GABBR1: variants seen among roughly 807,000 people sequenced by gnomAD.
GABBR1 encodes the protein GABA-B receptor, R1 subunit.
A neutral mutation model predicts 117.7 loss-of-function variants in GABBR1; 35 were observed. The observed-to-expected ratio is 0.30, with a 90% CI of 0.23 to 0.39. The LOEUF is 0.39. Ranked by LOEUF, GABBR1 falls within the 10% of genes least tolerant of loss-of-function variation. GABBR1 has a pLI of 1.00. For synonymous variants in GABBR1, 442 were observed against 486.6 expected, an observed-to-expected ratio of 0.91 and a Z score of 1.21; for missense variants, 709 against 1,241.8, an observed-to-expected ratio of 0.57 and a Z score of 6.45.
chr6:29,628,778 G>A (rs940523854), intron 5 of GABBR1, among the ~76,000 whole-genome samples: 1 of 152,082 alleles, frequency 6.6e-6, no homozygotes, highest in Non-Finnish European at 1.5e-5. Flanking sequence ...TGGGAGCTCA[G>A]GGTCTCCCAG....
rs6938734 is a variant in GABBR1, at chr6:29,623,282, C to A, written c.963+23G>T. On this transcript the variant is annotated intron_variant, in intron 8 of 22. Coordinates refer to ENST00000377034, the MANE Select transcript of GABBR1 (RefSeq NM_001470.4). This position sits in a 1 kb window ranked among gnomAD's most constrained non-coding sequence, Gnocchi z 6.2. The stretch of plus-strand genomic sequence containing the variant: ...TGGAATTTGAGCTTATGTCCCTTTA[C>A]CCCTTGCCCAACCCCTCCTCACCGA... 3.7e-6 allele frequency: 6 copies of A among 1,602,920 alleles called. No individual in the cohort carries two copies. The highest frequency in any genetic ancestry group is 5.1e-6 in the Non-Finnish European group (6 of 1,171,510).
intron 5 of GABBR1, chr6:29,628,018 G>A: frequency 7.8e-7 from 1 of 1,287,754 alleles, no homozygotes; most frequent in Non-Finnish European, 9.8e-7. Context: ...CTGACTGACC[G>A]ACGGAGGGGA....
chr6:29,624,572 G>T (rs1764082346), intron 6 of GABBR1, among the ~76,000 whole-genome samples: 1 of 152,070 alleles, frequency 6.6e-6, no homozygotes, highest in Non-Finnish European at 1.5e-5. Flanking sequence ...CCAGTAGGGG[G>T]TCCCGCTCAG....
At chr6:29,608,515 G>T in intron 16 of GABBR1, 86 bp downstream of exon 16, 1 of 1,387,140 alleles carries the variant, frequency 7.2e-7, no homozygotes, top group Non-Finnish European at 1.0e-6. Context: ...GAGGAGGAAG[G>T]GCAGAGAATC....
rs781159829 is a variant in GABBR1 at position 29,605,593 on chromosome 6, C to T, written c.2415G>A (p.Val805=). ...CTGCCACATTGTAGATAGCCATGCC[C>T]ACAGCCCGGTGATCATTGATCTTCT... ...STEKINDHRA[V]GMAIYNVAVL... The change falls in exon 20 of 23, where the codon GTG becomes GTA. Residue 805 remains valine, a synonymous_variant. Transcript: ENST00000377034. This position sits in a 1 kb window ranked among gnomAD's most constrained non-coding sequence, Gnocchi z 4.2. 1 of 1,613,132 alleles carries T rather than the reference C, an allele frequency of 6.2e-7. No individual in the cohort carries two copies. The highest frequency in any genetic ancestry group is 8.5e-7 in the Non-Finnish European group (1 of 1,180,032).
Position 29,609,400 on chromosome 6 carries a change from A to C in GABBR1, c.1709-21T>G. On this transcript the variant is annotated intron_variant, in intron 14 of 22. Transcript: ENST00000377034. The surrounding 1 kb of genome is among the most constrained non-coding windows in gnomAD (Gnocchi z 4.3). Reference sequence around the variant, plus strand: ...CCCTCCTGCATGGCACAGGGGAGGAAGAGGGGAAGGGAAAAGAGAAGGGAA... The same window carrying C: ...CCCTCCTGCATGGCACAGGGGAGGACGAGGGGAAGGGAAAAGAGAAGGGAA... 6.2e-7 allele frequency: 1 copy of C among 1,610,850 alleles called. No homozygotes were observed. Among genetic ancestry groups the C allele is most frequent in the Non-Finnish European group, 8.5e-7 (1 of 1,178,372 alleles).
In GABBR1 at chr6:29,631,599, C is replaced by A. The variant is rs759519721; in HGVS notation, c.86G>T (p.Gly29Val). ...GAQTPNATSE[G>V]CQIIHPPWEG... ...CCAGGGCGGGTGTATGATCTGGCAA[C>A]CTAAGGGGTGAGTCGGGGAGGCATA... Residue 29 changes from glycine (G) to valine (V), a missense_variant and splice_region_variant, in exon 3 of 23, where the codon GGT becomes GTT. Physicochemically the swap from Gly to Val is moderately radical, Grantham distance 109. Coordinates refer to ENST00000377034, the MANE Select transcript of GABBR1 (RefSeq NM_001470.4). This position sits in a 1 kb window ranked among gnomAD's most constrained non-coding sequence, Gnocchi z 5.9. The A allele has an allele frequency of 6.2e-7, 1 of 1,613,892 alleles. No homozygotes were observed. The highest frequency in any genetic ancestry group is 8.5e-7 in the Non-Finnish European group (1 of 1,179,896).
chr6:29,621,896 G>A lies in GABBR1; in HGVS notation c.1066-79C>T. On this transcript the variant is annotated intron_variant, in intron 9 of 22. Coordinates refer to ENST00000377034, the MANE Select transcript of GABBR1 (RefSeq NM_001470.4). The surrounding 1 kb of genome is among the most constrained non-coding windows in gnomAD (Gnocchi z 5.0). Reference sequence around the variant, plus strand: ...CTAAGCCAGATGTCTTCACAGCTTTGATTTCCCATCCCAAAGTGCTTAGTG... The same window carrying A: ...CTAAGCCAGATGTCTTCACAGCTTTAATTTCCCATCCCAAAGTGCTTAGTG... 6.9e-7 allele frequency: 1 copy of A among 1,439,190 alleles called. No individual in the cohort carries two copies. Among genetic ancestry groups the A allele is most frequent in the Non-Finnish European group, 9.7e-7 (1 of 1,025,898 alleles). 89.2% of individuals were successfully genotyped at this position (1,439,190 alleles called of 1,614,324 possible). A position where few individuals can be genotyped will look rare whatever the true frequency, so the allele number is the denominator to read the frequency against.
chr6:29,627,720 C>T lies in GABBR1; in HGVS notation c.497-74G>A. On this transcript the variant is annotated intron_variant, in intron 5 of 22. Transcript: ENST00000377034. This position sits in a 1 kb window ranked among gnomAD's most constrained non-coding sequence, Gnocchi z 4.4. Reference sequence around the variant, plus strand: ...GGGAGTGGGAGGCCCACACCGGAGCCACCCCTGCCGCCATCACAACCAGAA... The same window carrying T: ...GGGAGTGGGAGGCCCACACCGGAGCTACCCCTGCCGCCATCACAACCAGAA... 6.6e-7 allele frequency: 1 copy of T among 1,522,920 alleles called. No homozygotes were observed. The highest frequency in any genetic ancestry group is 8.8e-7 in the Non-Finnish European group (1 of 1,139,180). The allele number at this position is 1,522,920 out of a possible 1,614,324, so 94.3% of individuals were successfully genotyped here.
rs201638805 is a variant in GABBR1 at position 29,604,433 on chromosome 6, A to G, written c.2712+61T>C. ...TCTCAGGCTTGGCTTCAGACAACCC[A>G]AGCTAAGACGCAAGCCTCCTGGACC... is the stretch of plus-strand genomic sequence containing the variant. On this transcript the variant is annotated intron_variant, in intron 22 of 22. Coordinates refer to ENST00000377034, the MANE Select transcript of GABBR1 (RefSeq NM_001470.4). This position sits in a 1 kb window ranked among gnomAD's most constrained non-coding sequence, Gnocchi z 5.3. The G allele has an allele frequency of 4.9e-4, 785 of 1,606,148 alleles. No individual in the cohort carries two copies. The highest frequency in any genetic ancestry group is 6.2e-4 in the Non-Finnish European group (725 of 1,174,212).
Position 29,605,986 on chromosome 6 carries a change from C to G in GABBR1, c.2312-290G>C, listed in dbSNP as rs1029935602. ...ATATCTAGAAATAGGCCAGTCTGGG[C>G]CACACATGCCTCACCCTTACCCTAC... On this transcript the variant is annotated intron_variant, in intron 19 of 22. Transcript: ENST00000377034. The surrounding 1 kb of genome is among the most constrained non-coding windows in gnomAD (Gnocchi z 4.2). The G allele has an allele frequency of 1.5e-5, 8 of 548,710 alleles. No individual in the cohort carries two copies. Among genetic ancestry groups the G allele is most frequent in the Non-Finnish European group, 2.6e-5 (8 of 307,142 alleles). 34.0% of individuals were successfully genotyped at this position (548,710 alleles called of 1,614,324 possible).
rs142305913 is a variant in GABBR1 at position 29,623,657 on chromosome 6, G to A, written c.793-182C>T. On this transcript the variant is annotated intron_variant, in intron 7 of 22. Transcript: ENST00000377034. The surrounding 1 kb of genome is among the most constrained non-coding windows in gnomAD (Gnocchi z 6.2). ...AAAGGCCCACACACCCCTCACAACC[G>A]GGATGCTCTTTCACTGATCTAATTT... Among the ~76,000 whole-genome samples, 5 of 152,156 alleles carry A rather than the reference G, an allele frequency of 3.3e-5. No homozygotes were observed. The highest frequency in any genetic ancestry group is 2.1e-4 in the South Asian group (1 of 4,814).
rs1562121383 is a variant in GABBR1, at chr6:29,627,618, C to T, written c.525G>A (p.Leu175=). The T allele has an allele frequency of 1.9e-6, 3 of 1,564,090 alleles. No homozygotes were observed. The highest frequency in any genetic ancestry group is 2.6e-6 in the Non-Finnish European group (3 of 1,157,492). Reference sequence around the variant, plus strand: ...CTGGCCAGCCCCCGCTCATGGGAAACAGTGCCCCGATGTACACTGCGCGCC... The same window carrying T: ...CTGGCCAGCCCCCGCTCATGGGAAATAGTGCCCCGATGTACACTGCGCGCC... The part of the protein sequence containing the change: ...SERRAVYIGA[L]FPMSGGWPGG... The change falls in exon 6 of 23, where the codon CTG becomes CTA. Residue 175 remains leucine, a synonymous_variant. Coordinates refer to ENST00000377034, the MANE Select transcript of GABBR1 (RefSeq NM_001470.4). The surrounding 1 kb of genome is among the most constrained non-coding windows in gnomAD (Gnocchi z 4.4).
chr6:29,617,115 GA>G (rs1453294196), intron 11 of GABBR1, among the ~76,000 whole-genome samples: 7 of 151,228 alleles, frequency 4.6e-5, no homozygotes, highest in African/African-American at 1.7e-4. Context: ...GCTTTAAAAT[GA>G]GAATAATACT....
At chr6:29,615,636 A>G (rs1763007256) in intron 11 of GABBR1, among the ~76,000 whole-genome samples, 1 of 149,916 alleles carries the variant, frequency 6.7e-6, no homozygotes, top group Admixed American at 6.7e-5. Flanking sequence ...AAAGGCAGCC[A>G]GGCACAGGGG....
rs1763686636 is a variant in GABBR1, at chr6:29,620,902, T to C, written c.1323+199A>G. 6.6e-6 allele frequency among the ~76,000 whole-genome samples: 1 copy of C among 150,512 alleles called. No individual in the cohort carries two copies. The highest frequency in any genetic ancestry group is 2.4e-5 in the African/African-American group (1 of 40,882). On this transcript the variant is annotated intron_variant, in intron 11 of 22. Transcript: ENST00000377034. This position sits in a 1 kb window ranked among gnomAD's most constrained non-coding sequence, Gnocchi z 4.5. ...TACAACTCCATCGTTTTTTTTTTTT[T>C]CTCTCTCTACCCAAGGAAGTCAGAG...
Position 29,627,531 on chromosome 6 carries a change from G to A in GABBR1, c.612C>T (p.Asp204=), listed in dbSNP as rs1562121106. The change falls in exon 6 of 23, where the codon GAC becomes GAT. Residue 204 remains aspartate (D), a synonymous_variant. Transcript: ENST00000377034. The surrounding 1 kb of genome is among the most constrained non-coding windows in gnomAD (Gnocchi z 4.4). Reference sequence around the variant, plus strand: ...GCTTGAGCTCATAGTCCGGCAGGATGTCCCTGCGGCTATTCACGTCCTCCA... The same window carrying A: ...GCTTGAGCTCATAGTCCGGCAGGATATCCCTGCGGCTATTCACGTCCTCCA... ...MALEDVNSRR[D]ILPDYELKLI... is the part of the protein sequence containing the mutation. 1.2e-6 allele frequency: 2 copies of A among 1,600,270 alleles called. No homozygotes were observed. The highest frequency in any genetic ancestry group is 1.7e-6 in the Non-Finnish European group (2 of 1,173,660).
Position 29,623,732 on chromosome 6 carries a change from T to C in GABBR1, c.792+158A>G, listed in dbSNP as rs29250. ...AGCTGCAGCACTGTCAGGCCACTGT[T>C]GCTAGGAGGCTGCCTAGCTCAGGTC... On this transcript the variant is annotated intron_variant, in intron 7 of 22. Coordinates refer to ENST00000377034, the MANE Select transcript of GABBR1 (RefSeq NM_001470.4). The surrounding 1 kb of genome is among the most constrained non-coding windows in gnomAD (Gnocchi z 6.2). Among the ~76,000 whole-genome samples, 484 of 152,320 alleles carry C rather than the reference T, an allele frequency of 3.2e-3. 5 individuals are homozygous for C. The highest frequency in any genetic ancestry group is 5.6e-3 in the Non-Finnish European group (384 of 68,018).
Position 29,607,488 on chromosome 6 carries a change from C to T in GABBR1, c.1993-270G>A, listed in dbSNP as rs183510158. Among the ~76,000 whole-genome samples the T allele has an allele frequency of 5.1e-3, 777 of 152,282 alleles. 11 individuals are homozygous for T. The highest frequency in any genetic ancestry group is 0.018 in the African/African-American group (733 of 41,546). On this transcript the variant is annotated intron_variant, in intron 16 of 22. Transcript: ENST00000377034. This position sits in a 1 kb window ranked among gnomAD's most constrained non-coding sequence, Gnocchi z 5.0. ...TCCTGGCTTTAGTGGCCAAAAACCT[C>T]CAACCACTCCCCAATATCTATAAGT... is the stretch of plus-strand genomic sequence containing the variant.
Sources: gnomAD v4.1 joint callset for allele counts (sites outside exome capture counted in the v4.1 genomes callset) on GRCh38, gnomAD v4.1.1 for gene constraint, Gnocchi (gnomAD v3.1) non-coding constraint, MANE v1.5 for transcripts, NCBI Gene and HGNC (gene_info 2026-07-23, HGNC 2026-07-21) for gene names.